Variants in LRMDA observed in about 807,000 individuals in gnomAD.
LRMDA encodes leucine rich melanocyte differentiation associated, also known as leucine-rich melanocyte differentiation-associated protein.
In LRMDA, 18 loss-of-function variants were observed where a neutral mutation model predicts 29.8. The ratio of observed to expected loss-of-function variants is 0.60; its 90% CI spans 0.42 to 0.90. LRMDA has a LOEUF of 0.90. LRMDA is among the 40% of genes least tolerant of loss of function. The pLI is 0.00. For synonymous variants in LRMDA, 125 were observed against 109.4 expected (o/e 1.14, Z -0.89); for missense variants, 273 against 273.9 (o/e 1.00, Z 0.02).
At chr10:75,833,109 C>T (rs1844374528) in intron 2 of LRMDA, among the ~76,000 whole-genome samples, 1 of 152,186 alleles carries the variant, frequency 6.6e-6, no homozygotes. Context: ...ATCTCAACAA[C>T]TTGATGTCTA....
intron 2 of LRMDA, among the ~76,000 whole-genome samples, chr10:75,464,420 A>T (rs1670587176): frequency 6.6e-6 from 1 of 152,202 alleles, no homozygotes; most frequent in Non-Finnish European, 1.5e-5. Context: ...TGTGTATGGT[A>T]TGTAAGCACA....
chr10:76,390,386 G>A (rs1284718949), intron 6 of LRMDA, among the ~76,000 whole-genome samples: 3 of 151,994 alleles, frequency 2.0e-5, no homozygotes, highest in Non-Finnish European at 4.4e-5. Flanking sequence ...GATCAGGTAG[G>A]AAGTTGCACT....
chr10:75,996,989 C>T (rs1330394188), intron 2 of LRMDA, among the ~76,000 whole-genome samples: 2 of 152,148 alleles, frequency 1.3e-5, no homozygotes, highest in Admixed American at 1.3e-4. Flanking sequence ...GCCTCGCCCT[C>T]CCAAAGTGCT....
chr10:76,050,791 T>G (rs1015573170), intron 4 of LRMDA, among the ~76,000 whole-genome samples: 2 of 151,440 alleles, frequency 1.3e-5, no homozygotes, highest in Non-Finnish European at 2.9e-5. Flanking sequence ...TTTCTTGTCT[T>G]CCCTTGCCAT....
intron 5 of LRMDA, among the ~76,000 whole-genome samples, chr10:76,319,736 T>C (rs188099107): frequency 1.9e-4 from 23 of 123,606 alleles, no homozygotes; most frequent in Admixed American, 1.6e-3. Context: ...AAAGTGAAGA[T>C]TGCTTTTGCT....
At chr10:76,057,405 T>C (rs760685887) in intron 4 of LRMDA, among the ~76,000 whole-genome samples, 7 of 152,240 alleles carry the variant, frequency 4.6e-5, no homozygotes, top group East Asian at 1.9e-4. Flanking sequence ...TGGTATGTTA[T>C]TGACTCCATT....
intron 5 of LRMDA, among the ~76,000 whole-genome samples, chr10:76,323,513 A>G (rs1276959139): frequency 6.6e-6 from 1 of 152,146 alleles, no homozygotes; most frequent in Non-Finnish European, 1.5e-5. Flanking sequence ...AAAAAAAGCT[A>G]CATTTGATTT....
intron 2 of LRMDA, among the ~76,000 whole-genome samples, chr10:75,467,347 C>A (rs1303945258): frequency 1.3e-5 from 2 of 152,158 alleles, no homozygotes; most frequent in African/African-American, 4.8e-5. Context: ...ATTTGACCAG[C>A]ACAATATTTG....
chr10:75,597,952 G>C (rs1282837335), intron 2 of LRMDA, among the ~76,000 whole-genome samples: 1 of 152,090 alleles, frequency 6.6e-6, no homozygotes, highest in Admixed American at 6.5e-5. Context: ...CGCCTGAGGG[G>C]GAGTACAAGG....
rs1465537019 is a variant in LRMDA at position 75,750,533 on chromosome 10, G to T, written c.132-285475G>T. The stretch of plus-strand genomic sequence containing the variant: ...CTCACATCCCAGATGGGGCGGCGGG[G>T]CAGAGGCGCTCCCCACATCTCAGAG... On this transcript the variant is annotated intron_variant, in intron 2 of 6. Transcript: ENST00000611255. 2.1e-5 allele frequency among the ~76,000 whole-genome samples: 3 copies of T among 141,804 alleles called. No individual in the cohort carries two copies. In the Admixed American group the frequency reaches 2.1e-4, roughly 10 times the overall value. The allele number at this position is 141,804 out of a possible 152,430, so 93.0% of individuals were successfully genotyped here. A position where few individuals can be genotyped will look rare whatever the true frequency, so the allele number is the denominator to read the frequency against.
chr10:76,140,252 T>C (rs946850138), intron 5 of LRMDA, among the ~76,000 whole-genome samples: 2 of 152,056 alleles, frequency 1.3e-5, no homozygotes, highest in Admixed American at 1.3e-4. Context: ...TTTCCATTCA[T>C]GAAGGTGGCT....
rs1027504888 is a variant in LRMDA, at chr10:76,548,321, A to G, written c.602-8888A>G. Among the ~76,000 whole-genome samples, 4 of 133,824 alleles carry G rather than the reference A, an allele frequency of 3.0e-5. No homozygotes were observed. The East Asian group carries it at 6.2e-4, about 21-fold the overall frequency. The allele number at this position is 133,824 out of a possible 152,430, so 87.8% of individuals were successfully genotyped here. ...AAGAAATACTTACAAAGAAAAGTTTACCATTCTGTATTGAAGCATACTAGG... is the reference window on the plus strand; with the variant it reads ...AAGAAATACTTACAAAGAAAAGTTTGCCATTCTGTATTGAAGCATACTAGG... On this transcript the variant is annotated intron_variant, in intron 6 of 6. Transcript: ENST00000611255.
At chr10:76,291,440 A>G (rs1324861882) in intron 5 of LRMDA, among the ~76,000 whole-genome samples, 2 of 152,232 alleles carry the variant, frequency 1.3e-5, no homozygotes, top group Non-Finnish European at 2.9e-5. Context: ...CTGAAGTTTT[A>G]ATGGCTGAAT....
chr10:75,715,994 A>T (rs1441423035), intron 2 of LRMDA, among the ~76,000 whole-genome samples: 1 of 152,212 alleles, frequency 6.6e-6, no homozygotes, highest in Non-Finnish European at 1.5e-5. Flanking sequence ...AGAATCACGA[A>T]TGTTAGAATC....
chr10:75,731,341 C>G (rs943225783), intron 2 of LRMDA, among the ~76,000 whole-genome samples: 1 of 152,118 alleles, frequency 6.6e-6, no homozygotes, highest in African/African-American at 2.4e-5. Context: ...ACTTCAACAC[C>G]CATCTCTGTT....
At position 76,142,683 on chromosome 10, in the gene LRMDA, T is replaced by TTTATTA. The variant is rs35542542; in HGVS notation, c.516+83920_516+83925dup. On this transcript the variant is annotated intron_variant, in intron 5 of 6. Transcript: ENST00000611255. The stretch of plus-strand genomic sequence containing the variant: ...AGAAGATGGTCATTATGTTATTATC[T>TTTATTA]TTATTATTATTATTATTATTATTAT... 1.4e-4 allele frequency among the ~76,000 whole-genome samples: 20 copies of TTTATTA among 147,336 alleles called. No homozygotes were observed. In the East Asian group the frequency reaches 1.6e-3, roughly 12 times the overall value.
intron 6 of LRMDA, among the ~76,000 whole-genome samples, chr10:76,444,022 A>G (rs1842329471): frequency 6.6e-6 from 1 of 152,140 alleles, no homozygotes; most frequent in Non-Finnish European, 1.5e-5. Flanking sequence ...TCACCTTGGT[A>G]TTTAACATGA....
intron 2 of LRMDA, among the ~76,000 whole-genome samples, chr10:75,730,178 C>A (rs11595702): frequency 6.6e-6 from 1 of 152,004 alleles, no homozygotes; most frequent in Admixed American, 6.5e-5. Context: ...AATTCCCTTT[C>A]GTATTCTGCC....
At chr10:76,451,292 C>T (rs1842403796) in intron 6 of LRMDA, among the ~76,000 whole-genome samples, 1 of 151,126 alleles carries the variant, frequency 6.6e-6, no homozygotes, top group Admixed American at 6.6e-5. Context: ...AGCTCTGCCT[C>T]CCAGGTTCAT....
Sources: allele counts gnomAD v4.1 joint callset (sites outside exome capture counted in the v4.1 genomes callset), GRCh38; gene constraint gnomAD v4.1.1; transcripts MANE v1.5; gene names NCBI Gene and HGNC (gene_info 2026-07-23, HGNC 2026-07-21).